The following SZRD1 variants were observed in gnomAD, a reference collection of about 807,000 sequenced individuals.
SZRD1 encodes the protein SUZ RNA binding domain containing 1, also known as SUZ RNA-binding domain-containing.
SZRD1 carries 7 observed loss-of-function variants against 17.6 expected under a neutral mutation model. The observed-to-expected ratio is 0.40, with a 90% CI of 0.23 to 0.75. The LOEUF (loss-of-function observed/expected upper bound fraction) is 0.75, where lower values mean the gene tolerates loss of function less well. Among genes scored for constraint, SZRD1 ranks in the 30% least tolerant of loss-of-function variants. SZRD1 has a pLI of 0.38. For missense variants in SZRD1, 178 were observed against 201.8 expected (o/e 0.88, Z 0.71); for synonymous variants, 77 against 77.9 (o/e 0.99, Z 0.06).
chr1:16,381,934 C>T (rs1300421222), intron 1 of SZRD1, among the ~76,000 whole-genome samples: 1 of 151,890 alleles, frequency 6.6e-6, no homozygotes, highest in Non-Finnish European at 1.5e-5. Flanking sequence ...CAAAACAAAA[C>T]CAAAAAGAAA....
At chr1:16,382,291 G>A (rs1466139293) in intron 1 of SZRD1, among the ~76,000 whole-genome samples, 4 of 151,596 alleles carry the variant, frequency 2.6e-5, no homozygotes, top group African/African-American at 7.3e-5. Context: ...GGGTTCAAGC[G>A]ATTCTCCTGC....
chr1:16,389,504 G>T (rs2085190124), intron 1 of SZRD1, among the ~76,000 whole-genome samples: 1 of 151,964 alleles, frequency 6.6e-6, no homozygotes, highest in Non-Finnish European at 1.5e-5. Context: ...TAGAGATGGG[G>T]TTTCCACTGT....
At chr1:16,367,631 G>C (rs1004394252) in intron 1 of SZRD1, 4 of 417,484 alleles carry the variant, frequency 9.6e-6, no homozygotes, top group Non-Finnish European at 1.3e-5. Context: ...GACTCTTTCC[G>C]ATGAGCCTTG....
rs1169067795 is a variant in SZRD1, at chr1:16,395,543, A to G, written c.*403A>G. On this transcript the variant is annotated 3_prime_UTR_variant, in exon 4 of 4. Coordinates refer to ENST00000401088, the MANE Select transcript of SZRD1 (RefSeq NM_001114600.3). Reference sequence around the variant, plus strand: ...AAAACACAAATGAAAACTCACACCCACCCACCCCCAAGTGCATGTCTCCAT... The same window carrying G: ...AAAACACAAATGAAAACTCACACCCGCCCACCCCCAAGTGCATGTCTCCAT... 5 of 196,902 alleles carry G rather than the reference A, an allele frequency of 2.5e-5. No homozygotes were observed. Among genetic ancestry groups the G allele is most frequent in the South Asian group, 8.5e-5 (1 of 11,702 alleles). 12.2% of individuals were successfully genotyped at this position (196,902 alleles called of 1,614,324 possible).
intron 1 of SZRD1, among the ~76,000 whole-genome samples, chr1:16,375,530 C>G (rs1013719230): frequency 7.2e-5 from 11 of 151,962 alleles, no homozygotes; most frequent in Admixed American, 3.9e-4. Flanking sequence ...CCAAGCTGGT[C>G]TGGAACTCCT....
rs1412790487 is a variant in SZRD1 at position 16,391,402 on chromosome 1, C to A, written c.79C>A (p.Leu27Met). 1 of 1,549,020 alleles carries A rather than the reference C, an allele frequency of 6.5e-7. No homozygotes were observed. The highest frequency in any genetic ancestry group is 8.7e-7 in the Non-Finnish European group (1 of 1,146,376). The change falls in exon 2 of 4, where the codon CTG becomes ATG. Residue 27 changes from leucine to methionine, a missense_variant. Leu to Met is a conservative substitution (Grantham distance 15). This residue lies in a region of SZRD1 where 117 missense variants were observed against 108.7 expected (regional missense o/e 1.08). Transcript: ENST00000401088. This position sits in a 1 kb window ranked among gnomAD's most constrained non-coding sequence, Gnocchi z 4.3. ...AATAGACAGACGGTTGGAAAAAAAA[C>A]TGAAGATCACACAAAAAGAGAGGTA... The part of the protein sequence containing the change: ...GEIDRRLEKK[L>M]KITQKESRKS...
Position 16,395,322 on chromosome 1 carries a change from C to G in SZRD1, c.*182C>G, listed in dbSNP as rs1011889760. 1 of 637,580 alleles carries G rather than the reference C, an allele frequency of 1.6e-6. No individual in the cohort carries two copies. Among genetic ancestry groups the G allele is most frequent in the South Asian group, 1.7e-5 (1 of 57,316 alleles). The allele number at this position is 637,580 out of a possible 1,614,324, so 39.5% of individuals were successfully genotyped here. A position where few individuals can be genotyped will look rare whatever the true frequency, so the allele number is the denominator to read the frequency against. ...GAACCCCATGCACTGTGACCTCCCC[C>G]CTTCTCCCCCTTCCCACTGTGATTG... On this transcript the variant is annotated 3_prime_UTR_variant, in exon 4 of 4. Transcript: ENST00000401088.
intron 1 of SZRD1, among the ~76,000 whole-genome samples, chr1:16,386,671 G>A (rs558696015): frequency 2.0e-5 from 3 of 152,052 alleles, no homozygotes; most frequent in African/African-American, 4.8e-5. Flanking sequence ...GCATGCTGGC[G>A]TCCAGCTGGC....
intron 1 of SZRD1, among the ~76,000 whole-genome samples, chr1:16,390,968 G>A (rs940833703): frequency 6.6e-6 from 1 of 152,070 alleles, no homozygotes; most frequent in Admixed American, 6.5e-5. Flanking sequence ...GCAGTTGAAG[G>A]GTTTAAAGTA....
rs140065746 is a variant in SZRD1, at chr1:16,393,405, C to A, written c.279C>A (p.Ala93=). 1 of 1,614,140 alleles carries A rather than the reference C, an allele frequency of 6.2e-7. No homozygotes were observed. Among genetic ancestry groups the A allele is most frequent in the South Asian group, 1.1e-5 (1 of 91,078 alleles). The change falls in exon 3 of 4, where the codon GCC becomes GCA. Residue 93 remains alanine (A), a synonymous_variant. Coordinates refer to ENST00000401088, the MANE Select transcript of SZRD1 (RefSeq NM_001114600.3). This position sits in a 1 kb window ranked among gnomAD's most constrained non-coding sequence, Gnocchi z 5.6. ...LPVKSLAQRE[A]EYAEARKRIL... ...TCAAGTCCCTAGCACAGCGAGAGGCCGAGTACGCCGAGGCCCGGAAGCGGA... is the reference window on the plus strand; with the variant it reads ...TCAAGTCCCTAGCACAGCGAGAGGCAGAGTACGCCGAGGCCCGGAAGCGGA...
chr1:16,388,346 C>T (rs1361333102), intron 1 of SZRD1, among the ~76,000 whole-genome samples: 1 of 152,124 alleles, frequency 6.6e-6, no homozygotes, highest in Non-Finnish European at 1.5e-5. Flanking sequence ...GTGATTCACC[C>T]ACCTCGGCCT....
intron 1 of SZRD1, among the ~76,000 whole-genome samples, chr1:16,372,156 T>C (rs1339665114): frequency 1.3e-5 from 2 of 152,186 alleles, no homozygotes; most frequent in East Asian, 3.9e-4. Flanking sequence ...GGTTTCGTCC[T>C]ATATCCCCAA....
At chr1:16,387,867 C>G (rs1408543055) in intron 1 of SZRD1, 1 of 361,028 alleles carries the variant, frequency 2.8e-6, no homozygotes, top group Non-Finnish European at 5.4e-6. Context: ...AGAATTAATA[C>G]AATTCCATCA....
chr1:16,376,570 C>T (rs2083005508), intron 1 of SZRD1, among the ~76,000 whole-genome samples: 2 of 151,982 alleles, frequency 1.3e-5, no homozygotes, highest in African/African-American at 2.4e-5. Flanking sequence ...CTTTGGGGGG[C>T]CGAGGCAGGC....
At chr1:16,374,109 A>G (rs1011486955) in intron 1 of SZRD1, among the ~76,000 whole-genome samples, 1 of 152,204 alleles carries the variant, frequency 6.6e-6, no homozygotes, top group African/African-American at 2.4e-5. Context: ...GTTTGGGGCT[A>G]TCTGGTGCTG....
intron 1 of SZRD1, chr1:16,387,575 T>G (rs1209735867): frequency 1.1e-5 from 5 of 456,608 alleles, no homozygotes; most frequent in Non-Finnish European, 2.2e-5. Context: ...CTGCAGCCCC[T>G]TCACTTCCCC....
intron 1 of SZRD1, among the ~76,000 whole-genome samples, chr1:16,389,001 A>T (rs756992076): frequency 3.9e-5 from 6 of 151,908 alleles, no homozygotes; most frequent in Non-Finnish European, 8.8e-5. Context: ...TGAGTCAGTA[A>T]GAATTTACAA....
chr1:16,385,089 C>T (rs2083166542), intron 1 of SZRD1, among the ~76,000 whole-genome samples: 2 of 152,110 alleles, frequency 1.3e-5, no homozygotes, highest in African/African-American at 4.8e-5. Flanking sequence ...ATTCAAAGTC[C>T]AAAGCAAGGG....
At chr1:16,389,501 G>A (rs907999309) in intron 1 of SZRD1, among the ~76,000 whole-genome samples, 3 of 150,170 alleles carry the variant, frequency 2.0e-5, no homozygotes, top group African/African-American at 7.4e-5. Context: ...TAGTAGAGAT[G>A]GGGTTTCCAC....
Sources: gnomAD v4.1 joint callset for allele counts (sites outside exome capture counted in the v4.1 genomes callset) on GRCh38, gnomAD v4.1.1 for gene constraint, gnomAD v4.1.1 regional missense constraint, Gnocchi (gnomAD v3.1) non-coding constraint, MANE v1.5 for transcripts, NCBI Gene and HGNC (gene_info 2026-07-23, HGNC 2026-07-21) for gene names.